The following C2CD3 variants were observed in gnomAD, a reference collection of about 807,000 sequenced individuals.
C2CD3 encodes the protein C2 domain containing 3 centriole elongation regulator, also known as C2 domain-containing protein 3.
In C2CD3, 148 loss-of-function variants were observed where a neutral mutation model predicts 234.0. The ratio of observed to expected loss-of-function variants is 0.63; its 90% CI spans 0.55 to 0.72. C2CD3 has a LOEUF of 0.72. Ranked by LOEUF, C2CD3 falls within the 30% of genes least tolerant of loss-of-function variation. The probability of loss-of-function intolerance (pLI) is 0.00; values close to 1 mark genes in which losing one functional copy is unlikely to be tolerated. For missense variants in C2CD3, 2,577 were observed against 2,811.5 expected (o/e 0.92, Z 1.89); for synonymous variants, 1,000 against 1,035.4 (o/e 0.97, Z 0.66).
At chr11:74,039,503 T>C (rs906113236) in intron 29 of C2CD3, among the ~76,000 whole-genome samples, 1 of 152,196 alleles carries the variant, frequency 6.6e-6, no homozygotes, top group Non-Finnish European at 1.5e-5. Context: ...TCAGGCCTTA[T>C]CCTAGACCTA....
At chr11:74,069,491 T>C (rs1324980038) in intron 24 of C2CD3, among the ~76,000 whole-genome samples, 2 of 152,242 alleles carry the variant, frequency 1.3e-5, no homozygotes, top group African/African-American at 4.8e-5. Flanking sequence ...TAACAACTTC[T>C]CATATTTAGA....
At chr11:74,150,138 T>C (rs923396133) in intron 3 of C2CD3, among the ~76,000 whole-genome samples, 2 of 149,954 alleles carry the variant, frequency 1.3e-5, no homozygotes, top group African/African-American at 2.4e-5. Context: ...TTGTACTTAA[T>C]GGACACTTTC....
At chr11:74,054,271 CA>C (rs576353352) in intron 26 of C2CD3, among the ~76,000 whole-genome samples, 3,327 of 94,408 alleles carry the variant, frequency 0.035, 47 homozygotes, top group Middle Eastern at 0.17. Context: ...GATTCTGTCT[CA>C]AAAAAAAAAA....
chr11:74,053,964 C>T (rs768359598), intron 26 of C2CD3, among the ~76,000 whole-genome samples: 1 of 151,510 alleles, frequency 6.6e-6, no homozygotes, highest in Non-Finnish European at 1.5e-5. Context: ...CATAGTGAGA[C>T]CTTGTCTGTA....
At chr11:74,015,012 G>C (rs1391339940) in intron 32 of C2CD3, among the ~76,000 whole-genome samples, 2 of 152,252 alleles carry the variant, frequency 1.3e-5, no homozygotes, top group African/African-American at 4.8e-5. Context: ...TAGGCTAGAA[G>C]GGAAGAAGGA....
In C2CD3 at chr11:74,085,691, C is replaced by T. The variant is rs370543634; in HGVS notation, c.3837G>A (p.Glu1279=). 4 of 1,614,110 alleles carry T rather than the reference C, an allele frequency of 2.5e-6. No individual in the cohort carries two copies. The highest frequency in any genetic ancestry group is 3.4e-6 in the Non-Finnish European group (4 of 1,180,018). ...CNLVTQHCSG[E]ACFLAELLEF... is the part of the protein sequence containing the mutation. Reference sequence around the variant, plus strand: ...CCAACAACTCTGCTAGGAAACAGGCCTCTCCACTACAGTGCTGAGTCACCA... The same window carrying T: ...CCAACAACTCTGCTAGGAAACAGGCTTCTCCACTACAGTGCTGAGTCACCA... The change falls in exon 21 of 33, where the codon GAG becomes GAA. Residue 1279 remains glutamate, a synonymous_variant. Transcript: ENST00000334126.
intron 24 of C2CD3, among the ~76,000 whole-genome samples, chr11:74,071,444 A>G (rs1328376671): frequency 2.0e-5 from 3 of 152,180 alleles, no homozygotes; most frequent in Admixed American, 1.3e-4. Context: ...GACCTATAGT[A>G]TAGAGATCTG....
At chr11:74,120,760 C>A (rs977488107) in intron 8 of C2CD3, among the ~76,000 whole-genome samples, 2 of 152,154 alleles carry the variant, frequency 1.3e-5, no homozygotes, top group Admixed American at 1.3e-4. Flanking sequence ...TAAAAGCATT[C>A]CTATTTCTCC....
chr11:74,047,165 C>G (rs1461604601), intron 28 of C2CD3, among the ~76,000 whole-genome samples: 1 of 152,180 alleles, frequency 6.6e-6, no homozygotes, highest in Non-Finnish European at 1.5e-5. Flanking sequence ...TTGAGCAGGG[C>G]AGGGTCAGGA....
Position 74,139,620 on chromosome 11 carries a change from C to A in C2CD3, c.692G>T (p.Arg231Ile), listed in dbSNP as rs1283766600. ...TGGTAATTACCTCGGAGTGGTTGATCTACTGCTGTTGGCTGCTAACTCTTT... is the reference window on the plus strand; with the variant it reads ...TGGTAATTACCTCGGAGTGGTTGATATACTGCTGTTGGCTGCTAACTCTTT... ...DGKELAANSSRSTTPRGKDHV... is the reference protein window; with the variant it reads ...DGKELAANSSISTTPRGKDHV... Residue 231 changes from arginine to isoleucine, a missense_variant, in exon 4 of 33, where the codon AGA (arginine) becomes ATA (isoleucine). Coordinates refer to ENST00000334126, the MANE Select transcript of C2CD3 (RefSeq NM_001286577.2). 1.2e-6 allele frequency: 2 copies of A among 1,612,582 alleles called. No homozygotes were observed. Among genetic ancestry groups the A allele is most frequent in the African/African-American group, 2.7e-5 (2 of 74,856 alleles).
At position 74,092,379 on chromosome 11, in the gene C2CD3, G is replaced by A. The variant is rs143967999; in HGVS notation, c.3517+37C>T. 2.7e-3 allele frequency: 4,188 copies of A among 1,577,360 alleles called. 108 individuals are homozygous for A. In the African/African-American group the frequency reaches 0.051, roughly 19 times the overall value. ...TATTTTATATATTTTTATGTATACT[G>A]ATTTTGAAAGAAAAAGACAAACTTG... On this transcript the variant is annotated intron_variant, in intron 19 of 32. Coordinates refer to ENST00000334126, the MANE Select transcript of C2CD3 (RefSeq NM_001286577.2).
intron 8 of C2CD3, among the ~76,000 whole-genome samples, chr11:74,119,879 G>A (rs919399325): frequency 7.1e-4 from 108 of 152,018 alleles, no homozygotes; most frequent in African/African-American, 2.5e-3. Context: ...TAAGTGATCT[G>A]CCCACTTTGG....
chr11:74,078,071 G>GC (rs1285587799), intron 23 of C2CD3, 44 bp downstream of exon 23: 1 of 1,578,998 alleles, frequency 6.3e-7, no homozygotes, highest in East Asian at 2.2e-5. Context: ...TTGACACAGA[G>GC]CAGGTGCTCA....
At chr11:74,074,147 T>C in intron 24 of C2CD3, 106 bp downstream of exon 24, 1 of 777,542 alleles carries the variant, frequency 1.3e-6, no homozygotes, top group Admixed American at 2.9e-5. Flanking sequence ...TAAATATTTA[T>C]CAGTTGAGAT....
At chr11:74,044,898 T>C (rs1267246870) in intron 28 of C2CD3, among the ~76,000 whole-genome samples, 1 of 152,158 alleles carries the variant, frequency 6.6e-6, no homozygotes, top group Non-Finnish European at 1.5e-5. Flanking sequence ...TGTTCTTTTT[T>C]TTTTTTAATG....
intron 8 of C2CD3, among the ~76,000 whole-genome samples, chr11:74,122,165 A>G (rs1957239847): frequency 6.6e-6 from 1 of 152,212 alleles, no homozygotes. Flanking sequence ...CTTGTAGCGC[A>G]AAAATGTGTT....
chr11:74,087,099 T>C (rs977832358), intron 20 of C2CD3, among the ~76,000 whole-genome samples: 1 of 152,178 alleles, frequency 6.6e-6, no homozygotes, highest in African/African-American at 2.4e-5. Flanking sequence ...CAATTTCATT[T>C]CTAAGAAAAA....
At chr11:74,034,659 G>A in intron 30 of C2CD3, 1 of 1,457,684 alleles carries the variant, frequency 6.9e-7, no homozygotes, top group East Asian at 2.3e-5. Flanking sequence ...TTTGATGACA[G>A]TTATTAAAAC....
At chr11:74,068,793 G>GTTTA (rs748959127) in intron 24 of C2CD3, among the ~76,000 whole-genome samples, 16 of 152,010 alleles carry the variant, frequency 1.1e-4, no homozygotes, top group African/African-American at 1.4e-4. Flanking sequence ...CATCCCTCTG[G>GTTTA]TTTATTTATT....
Sources: gnomAD v4.1 joint callset for allele counts (sites outside exome capture counted in the v4.1 genomes callset) on GRCh38, gnomAD v4.1.1 for gene constraint, MANE v1.5 for transcripts, NCBI Gene and HGNC (gene_info 2026-07-23, HGNC 2026-07-21) for gene names.